The following PLEKHG1 variants were observed in gnomAD, a reference collection of about 807,000 sequenced individuals.
The protein encoded by PLEKHG1 is pleckstrin homology domain-containing family G member 1.
In PLEKHG1, 44 loss-of-function variants were observed where a neutral mutation model predicts 100.8. That is an observed-to-expected ratio of 0.44 (90% CI 0.34 to 0.56). The LOEUF (loss-of-function observed/expected upper bound fraction) is 0.56. PLEKHG1 is among the 20% of genes least tolerant of loss of function. The pLI is 0.01. For missense variants in PLEKHG1, 1,545 were observed against 1,720.9 expected (o/e 0.90, Z 1.81); for synonymous variants, 640 against 662.5 (o/e 0.97, Z 0.52).
intron 10 of PLEKHG1, among the ~76,000 whole-genome samples, chr6:150,812,702 G>A (rs943912183): frequency 6.6e-6 from 1 of 152,148 alleles, no homozygotes. Flanking sequence ...CTCGAATGCC[G>A]AGTCCATGAG....
intron 1 of PLEKHG1, among the ~76,000 whole-genome samples, chr6:150,725,188 C>T (rs555596733): frequency 6.6e-6 from 1 of 152,264 alleles, no homozygotes; most frequent in South Asian, 2.1e-4. Context: ...TGTATCCTCA[C>T]ATGGCAGAAG....
intron 1 of PLEKHG1, among the ~76,000 whole-genome samples, chr6:150,604,560 T>G (rs1044853813): frequency 6.6e-6 from 1 of 152,238 alleles, no homozygotes; most frequent in Non-Finnish European, 1.5e-5. Flanking sequence ...CTATTCTGTT[T>G]TGTAGTGTCC....
intron 3 of PLEKHG1, among the ~76,000 whole-genome samples, chr6:150,651,395 G>A (rs935348750): frequency 2.6e-5 from 4 of 151,932 alleles, no homozygotes; most frequent in African/African-American, 9.7e-5. Flanking sequence ...CACCATGACT[G>A]GCTAATTTTT....
At chr6:150,763,581 GGGTACCAAACC>G (rs1429561109) in intron 2 of PLEKHG1, among the ~76,000 whole-genome samples, 2 of 152,128 alleles carry the variant, frequency 1.3e-5, no homozygotes, top group Non-Finnish European at 2.9e-5. Context: ...CCAGTCCAGG[GGGTACCAAACC>G]TCAGAACAGC....
chr6:150,776,869 G>C (rs1261461658), intron 3 of PLEKHG1, among the ~76,000 whole-genome samples: 1 of 151,238 alleles, frequency 6.6e-6, no homozygotes, highest in Non-Finnish European at 1.5e-5. Flanking sequence ...TGCAATCCTG[G>C]TGCACATGTG....
Position 150,683,678 on chromosome 6 carries a change from C to A in PLEKHG1, c.-99+32892C>A. The A allele has an allele frequency of 2.9e-6, 2 of 682,484 alleles. No individual in the cohort carries two copies. The highest frequency in any genetic ancestry group is 4.3e-6 in the Non-Finnish European group (2 of 468,104). 42.3% of individuals were successfully genotyped at this position (682,484 alleles called of 1,614,324 possible). ...GGCAAACTAAGGATGACAGAGTGTT[C>A]AATGATGCTGTTCAACTTGAACCCT... On this transcript the variant is annotated intron_variant, in intron 3 of 3. Transcript: ENST00000367326. This position sits in a 1 kb window ranked among gnomAD's most constrained non-coding sequence, Gnocchi z 4.0.
chr6:150,733,630 TC>T (rs1225834966), exon 2 of PLEKHG1: 4 of 1,613,966 alleles, frequency 2.5e-6, no homozygotes, highest in East Asian at 2.2e-5. Context: ...TAACCAAAGT[TC>T]CACATCCCAA....
chr6:150,826,217 G>A (rs1286508253), intron 14 of PLEKHG1, among the ~76,000 whole-genome samples: 1 of 152,098 alleles, frequency 6.6e-6, no homozygotes, highest in African/African-American at 2.4e-5. Context: ...CGGCACTTTG[G>A]GAGGTCACAG....
chr6:150,660,657 A>G (rs1012831911), intron 3 of PLEKHG1, among the ~76,000 whole-genome samples: 1 of 152,222 alleles, frequency 6.6e-6, no homozygotes, highest in Non-Finnish European at 1.5e-5. Flanking sequence ...ACTCAGAGCC[A>G]GTTGTTAAAA....
intron 3 of PLEKHG1, among the ~76,000 whole-genome samples, chr6:150,708,825 T>C (rs1383374209): frequency 6.6e-6 from 1 of 152,190 alleles, no homozygotes; most frequent in Admixed American, 6.5e-5. Flanking sequence ...ATGATGACAA[T>C]ACCCCTGTGG....
chr6:150,730,529 C>T (rs1320417015), intron 1 of PLEKHG1, among the ~76,000 whole-genome samples: 2 of 152,110 alleles, frequency 1.3e-5, no homozygotes, highest in African/African-American at 4.8e-5. Flanking sequence ...CAGCAATGCT[C>T]GCTTGCCCAT....
At chr6:150,751,844 T>G (rs147028964) in intron 2 of PLEKHG1, among the ~76,000 whole-genome samples, 1 of 152,310 alleles carries the variant, frequency 6.6e-6, no homozygotes, top group African/African-American at 2.4e-5. Context: ...TCCTTACCGA[T>G]GAGCCTAAAT....
chr6:150,725,391 G>A (rs189041183), intron 1 of PLEKHG1, among the ~76,000 whole-genome samples: 3 of 152,220 alleles, frequency 2.0e-5, no homozygotes, highest in Admixed American at 2.0e-4. Flanking sequence ...GGAATCAATC[G>A]GTAAATTATC....
At chr6:150,715,561 C>T (rs1238745353) in intron 3 of PLEKHG1, among the ~76,000 whole-genome samples, 1 of 149,274 alleles carries the variant, frequency 6.7e-6, no homozygotes, top group Non-Finnish European at 1.5e-5. Context: ...GATCTCGGCT[C>T]ACTGCAACTT....
chr6:150,617,703 C>T (rs59898120), intron 1 of PLEKHG1, among the ~76,000 whole-genome samples: 3,838 of 152,274 alleles, frequency 0.025, 137 homozygotes, highest in African/African-American at 0.085. Flanking sequence ...GCCAACTGCT[C>T]TAAGTCAGCT....
intron 3 of PLEKHG1, among the ~76,000 whole-genome samples, chr6:150,657,059 T>C (rs1306997511): frequency 6.6e-6 from 1 of 152,168 alleles, no homozygotes; most frequent in African/African-American, 2.4e-5. Flanking sequence ...AGAATGACTT[T>C]CAGTCATCTC....
At chr6:150,772,337 C>T (rs141616595) in intron 3 of PLEKHG1, among the ~76,000 whole-genome samples, 108 of 152,324 alleles carry the variant, frequency 7.1e-4, no homozygotes, top group African/African-American at 2.5e-3. Context: ...GTTGCCATTA[C>T]TATATATACA....
chr6:150,792,357 CA>C (rs34263748), intron 4 of PLEKHG1, among the ~76,000 whole-genome samples: 923 of 86,986 alleles, frequency 0.011, 10 homozygotes, highest in African/African-American at 0.032. Flanking sequence ...ACTCAGTCTC[CA>C]AAAAAAAAAA....
chr6:150,837,985 T>C (rs1316791341), intron 15 of PLEKHG1, among the ~76,000 whole-genome samples: 2 of 152,202 alleles, frequency 1.3e-5, no homozygotes, highest in African/African-American at 4.8e-5. Flanking sequence ...AATGAGAAGT[T>C]AGACTATTTA....
Sources: gnomAD v4.1 joint callset for allele counts (sites outside exome capture counted in the v4.1 genomes callset) on GRCh38, gnomAD v4.1.1 for gene constraint, Gnocchi (gnomAD v3.1) non-coding constraint, MANE v1.5 for transcripts, NCBI Gene and HGNC (gene_info 2026-07-23, HGNC 2026-07-21) for gene names.